The following SH3RF1 variants were observed in gnomAD, a reference collection of about 807,000 sequenced individuals.
SH3RF1 encodes SH3 domain containing ring finger 1, also known as E3 ubiquitin-protein ligase SH3RF1.
Under a neutral mutation model 74.0 loss-of-function variants are expected in SH3RF1, and 32 were observed. That is an observed-to-expected ratio of 0.43 (90% CI 0.33 to 0.58). The LOEUF (loss-of-function observed/expected upper bound fraction) is 0.58. Among genes scored for constraint, SH3RF1 ranks in the 20% least tolerant of loss-of-function variants. The probability of loss-of-function intolerance (pLI) is 0.05; values close to 1 mark genes in which losing one functional copy is unlikely to be tolerated. For synonymous variants in SH3RF1, 396 were observed against 439.6 expected, an observed-to-expected ratio of 0.90 and a Z score of 1.24; for missense variants, 954 against 1,130.9, an observed-to-expected ratio of 0.84 and a Z score of 2.24.
intron 2 of SH3RF1, among the ~76,000 whole-genome samples, chr4:169,209,471 C>T (rs1438733158): frequency 2.0e-5 from 3 of 152,066 alleles, no homozygotes; most frequent in East Asian, 3.9e-4. Flanking sequence ...CACCTATCCT[C>T]GTGGGCTGTA....
intron 2 of SH3RF1, among the ~76,000 whole-genome samples, chr4:169,248,520 GACAAATACCTAATGC>G (rs1731046025): frequency 6.6e-6 from 1 of 152,274 alleles, no homozygotes; most frequent in African/African-American, 2.4e-5. Context: ...AGAACATTAG[GACAAATACCTAATGC>G]ACGCCAGGCT....
intron 2 of SH3RF1, among the ~76,000 whole-genome samples, chr4:169,224,168 T>C (rs1293299027): frequency 6.6e-6 from 1 of 152,210 alleles, no homozygotes; most frequent in African/African-American, 2.4e-5. Flanking sequence ...AAGCAGGCAG[T>C]ACATCCCACT....
chr4:169,172,069 T>C (rs1734338248), intron 2 of SH3RF1, among the ~76,000 whole-genome samples: 1 of 152,186 alleles, frequency 6.6e-6, no homozygotes, highest in African/African-American at 2.4e-5. Flanking sequence ...AACCAAGAGT[T>C]AGGCTTAAAG....
At chr4:169,180,511 G>A (rs1734491656) in intron 2 of SH3RF1, among the ~76,000 whole-genome samples, 1 of 152,184 alleles carries the variant, frequency 6.6e-6, no homozygotes, top group Admixed American at 6.5e-5. Flanking sequence ...GCAAAAGTGC[G>A]GAAAGAAAAG....
At chr4:169,120,669 G>C in intron 8 of SH3RF1, 150 bp downstream of exon 8, 1 of 754,610 alleles carries the variant, frequency 1.3e-6, no homozygotes. Flanking sequence ...AGTTAGAAGG[G>C]ATTTTAGCAG....
At chr4:169,145,776 T>C (rs1733867251) in intron 4 of SH3RF1, among the ~76,000 whole-genome samples, 1 of 135,050 alleles carries the variant, frequency 7.4e-6, no homozygotes, top group Admixed American at 8.3e-5. Context: ...TAAAATATTA[T>C]ATATTCTATA....
chr4:169,132,012 G>C (rs921671415), intron 5 of SH3RF1, among the ~76,000 whole-genome samples: 1 of 152,232 alleles, frequency 6.6e-6, no homozygotes, highest in African/African-American at 2.4e-5. Flanking sequence ...GGTATCCAGG[G>C]CCCTTGAGCC....
chr4:169,263,479 T>C (rs1050844954), intron 2 of SH3RF1, among the ~76,000 whole-genome samples: 14 of 152,242 alleles, frequency 9.2e-5, no homozygotes, highest in East Asian at 1.9e-4. Context: ...TGTTCATAGA[T>C]GGATGTCAAA....
chr4:169,233,870 C>T lies in SH3RF1; in HGVS notation c.393+34950G>A, dbSNP rs189069838. On this transcript the variant is annotated intron_variant, in intron 2 of 11. Coordinates refer to ENST00000284637, the MANE Select transcript of SH3RF1 (RefSeq NM_020870.4). ...GGTAAGTCTGAGGGTCTTCCTTCCC[C>T]CACGATTTCTCTATTTCCGCCCCTG... Among the ~76,000 whole-genome samples the T allele has an allele frequency of 3.3e-5, 5 of 152,244 alleles. No homozygotes were observed. The East Asian group carries it at 9.7e-4, about 29-fold the overall frequency.
At chr4:169,145,876 A>T in intron 4 of SH3RF1, among the ~76,000 whole-genome samples, 1 of 128,038 alleles carries the variant, frequency 7.8e-6, no homozygotes, top group African/African-American at 3.1e-5. Context: ...TGTATTCTAT[A>T]TATTATTCTA....
At position 169,096,789 on chromosome 4, in the gene SH3RF1, C is replaced by T. The variant is rs988788956; in HGVS notation, c.2499-102G>A. On this transcript the variant is annotated intron_variant, in intron 11 of 11. Transcript: ENST00000284637. ...AACCTTCAACATAAATAGGAAATAA[C>T]ATTAATTCATTTATGATTGTAAAAC... is the stretch of plus-strand genomic sequence containing the variant. 36 of 1,071,804 alleles carry T rather than the reference C, an allele frequency of 3.4e-5. No homozygotes were observed. The Middle Eastern group carries it at 8.5e-4, about 25-fold the overall frequency. The allele number at this position is 1,071,804 out of a possible 1,614,324, so 66.4% of individuals were successfully genotyped here.
intron 2 of SH3RF1, among the ~76,000 whole-genome samples, chr4:169,213,769 ACT>A: frequency 6.6e-6 from 1 of 152,348 alleles, no homozygotes; most frequent in Non-Finnish European, 1.5e-5. Context: ...TGTTGAAAAC[ACT>A]GTCTTTTCTC....
At chr4:169,208,471 A>G (rs1335047843) in intron 2 of SH3RF1, among the ~76,000 whole-genome samples, 2 of 152,232 alleles carry the variant, frequency 1.3e-5, no homozygotes, top group African/African-American at 4.8e-5. Context: ...TTTTAGTAGG[A>G]CAGACACAAA....
intron 2 of SH3RF1, among the ~76,000 whole-genome samples, chr4:169,192,164 T>A (rs1017582254): frequency 6.6e-6 from 1 of 151,864 alleles, no homozygotes; most frequent in African/African-American, 2.4e-5. Context: ...AGGACTAATA[T>A]CCAGAATCTA....
rs748567016 is a variant in SH3RF1 at position 169,122,168 on chromosome 4, C to T, written c.1278G>A (p.Met426Ile). The T allele has an allele frequency of 6.2e-7, 1 of 1,613,604 alleles. No individual in the cohort carries two copies. Among genetic ancestry groups the T allele is most frequent in the South Asian group, 1.1e-5 (1 of 91,048 alleles). Residue 426 changes from methionine (M) to isoleucine (I), a missense_variant, in exon 7 of 12, where the codon ATG becomes ATA. By Grantham distance (10) the Met-to-Ile change is conservative. Around this residue, in one of 3 missense-constraint regions of SH3RF1, gnomAD observed 854 missense variants for 962.5 expected, o/e 0.89. Coordinates refer to ENST00000284637, the MANE Select transcript of SH3RF1 (RefSeq NM_020870.4). ...GATAAAAAAG[M>I]GPRPMAGSTD... ...TGGATCCTGCCATGGGCCTCGGTCC[C>T]ATTCCAGCAGCAGCAGCAGCGGCGG...
Position 169,106,947 on chromosome 4 carries a change from T to G in SH3RF1, c.2398A>C (p.Ser800Arg). The G allele has an allele frequency of 6.2e-7, 1 of 1,613,850 alleles. No homozygotes were observed. Among genetic ancestry groups the G allele is most frequent in the East Asian group, 2.2e-5 (1 of 44,868 alleles). The stretch of plus-strand genomic sequence containing the variant: ...ATGGGAACTGCGGAGTCCAGGGAAC[T>G]TGCCTTCCTATGAAAAGCATCCTGG... Reference protein sequence around the residue: ...LAQDAFHRKASSLDSAVPIAP... With the variant: ...LAQDAFHRKARSLDSAVPIAP... The change falls in exon 11 of 12, where the codon AGT becomes CGT. Residue 800 changes from serine to arginine, a missense_variant. Physicochemically the swap from Ser to Arg is moderately radical, Grantham distance 110 (BLOSUM62 -1). Around this residue, in one of 3 missense-constraint regions of SH3RF1, gnomAD observed 854 missense variants for 962.5 expected, o/e 0.89. Coordinates refer to ENST00000284637, the MANE Select transcript of SH3RF1 (RefSeq NM_020870.4).
chr4:169,227,145 G>C (rs939392069), intron 2 of SH3RF1, among the ~76,000 whole-genome samples: 3 of 151,682 alleles, frequency 2.0e-5, no homozygotes, highest in Non-Finnish European at 4.4e-5. Context: ...CAGCCCGGGT[G>C]ACAGAGCAAC....
intron 10 of SH3RF1, among the ~76,000 whole-genome samples, chr4:169,113,346 G>A (rs1366847966): frequency 6.6e-6 from 1 of 152,182 alleles, no homozygotes; most frequent in Non-Finnish European, 1.5e-5. Flanking sequence ...CTGACCTCAG[G>A]TGATACACCA....
At chr4:169,257,866 C>T (rs1731217527) in intron 2 of SH3RF1, among the ~76,000 whole-genome samples, 1 of 152,132 alleles carries the variant, frequency 6.6e-6, no homozygotes, top group African/African-American at 2.4e-5. Flanking sequence ...TTCTGCTCTA[C>T]CTCACTTCTA....
Sources: allele counts gnomAD v4.1 joint callset (sites outside exome capture counted in the v4.1 genomes callset), GRCh38; gene constraint gnomAD v4.1.1; regional missense constraint gnomAD v4.1.1; transcripts MANE v1.5; gene names NCBI Gene and HGNC (gene_info 2026-07-23, HGNC 2026-07-21).